ZNF608: variants seen among roughly 807,000 people sequenced by gnomAD.
ZNF608 encodes zinc finger protein 608, also known as renal carcinoma antigen NY-REN-36.
A neutral mutation model predicts 109.0 loss-of-function variants in ZNF608; 12 were observed. That is an observed-to-expected ratio of 0.11 (90% CI 0.07 to 0.18). ZNF608 has a LOEUF of 0.18. Among genes scored for constraint, ZNF608 ranks in the 10% least tolerant of loss-of-function variants. The probability of loss-of-function intolerance (pLI) is 1.00; values close to 1 mark genes in which losing one functional copy is unlikely to be tolerated. For synonymous variants in ZNF608, 732 were observed against 717.4 expected (o/e 1.02, Z -0.33); for missense variants, 1,707 against 1,879.3 (o/e 0.91, Z 1.70).
chr5:124,647,096 G>A lies in ZNF608; in HGVS notation c.3288C>T (p.Ala1096=). Residue 1096 remains alanine (A), a synonymous_variant, in exon 5 of 10, where the codon GCC becomes GCT. Coordinates refer to ENST00000513986, the MANE Select transcript of ZNF608 (RefSeq NM_020747.3). The part of the protein sequence containing the change: ...GLYMDQKSLM[A]TSPAYRQQYE... ...ACTGCTGTCTATAGGCAGGGCTGGTGGCCATCAGAGACTTCTGGTCCATAT... is the reference window on the plus strand; with the variant it reads ...ACTGCTGTCTATAGGCAGGGCTGGTAGCCATCAGAGACTTCTGGTCCATAT... 6.2e-7 allele frequency: 1 copy of A among 1,614,086 alleles called. No homozygotes were observed. The highest frequency in any genetic ancestry group is 8.5e-7 in the Non-Finnish European group (1 of 1,179,986).
At chr5:124,643,397 T>C in intron 7 of ZNF608, 114 bp downstream of exon 7, 2 of 981,968 alleles carry the variant, frequency 2.0e-6, no homozygotes, top group South Asian at 3.4e-5. Flanking sequence ...TAAAACAGCA[T>C]CCTGAAATCA....
chr5:124,730,670 G>T (rs969927540), intron 2 of ZNF608, among the ~76,000 whole-genome samples: 17 of 152,270 alleles, frequency 1.1e-4, no homozygotes, highest in African/African-American at 3.1e-4. Context: ...AGTGTCTTAG[G>T]TTGGCATTTT....
intron 2 of ZNF608, among the ~76,000 whole-genome samples, chr5:124,728,789 G>A (rs367829116): frequency 2.0e-5 from 3 of 152,068 alleles, no homozygotes; most frequent in Admixed American, 6.5e-5. Flanking sequence ...TGTTGCTTGC[G>A]TTGTAGACTC....
upstream of ZNF608, chr5:124,748,623 C>T (rs1010970208): frequency 2.1e-6 from 2 of 949,518 alleles, no homozygotes; most frequent in Non-Finnish European, 1.3e-6. Flanking sequence ...ATAATCTCTT[C>T]AACAAATTTA....
intron 2 of ZNF608, among the ~76,000 whole-genome samples, chr5:124,706,101 C>A (rs901360828): frequency 1.3e-5 from 2 of 152,220 alleles, no homozygotes; most frequent in African/African-American, 4.8e-5. Flanking sequence ...ACCAAAGGAA[C>A]TTTCATGGTG....
At chr5:124,657,475 C>T (rs759122400) in intron 3 of ZNF608, among the ~76,000 whole-genome samples, 1 of 152,054 alleles carries the variant, frequency 6.6e-6, no homozygotes, top group Non-Finnish European at 1.5e-5. Context: ...TCCTGCCCAA[C>T]ACAGTGAAAC....
chr5:124,689,669 G>T (rs1276187791), intron 3 of ZNF608, among the ~76,000 whole-genome samples: 2 of 152,248 alleles, frequency 1.3e-5, no homozygotes, highest in Admixed American at 6.5e-5. Context: ...AAATTGTCAA[G>T]AAAGTTCACA....
chr5:124,716,191 C>T (rs1753698580), intron 2 of ZNF608, among the ~76,000 whole-genome samples: 1 of 149,808 alleles, frequency 6.7e-6, no homozygotes, highest in Non-Finnish European at 1.5e-5. Flanking sequence ...AATATAGTTG[C>T]TTTACGTATC....
chr5:124,735,322 C>T (rs1351187864), intron 2 of ZNF608: 1 of 152,176 alleles, frequency 6.6e-6, no homozygotes, highest in Non-Finnish European at 1.5e-5. Context: ...ATTTACAGCG[C>T]TCAGGGCCAT....
chr5:124,718,736 A>G (rs1055147532), intron 2 of ZNF608, among the ~76,000 whole-genome samples: 1 of 152,220 alleles, frequency 6.6e-6, no homozygotes, highest in African/African-American at 2.4e-5. Context: ...TCAGCTACAA[A>G]GTGCAATGCT....
At chr5:124,668,997 A>G (rs1751598872) in intron 3 of ZNF608, among the ~76,000 whole-genome samples, 1 of 152,206 alleles carries the variant, frequency 6.6e-6, no homozygotes, top group African/African-American at 2.4e-5. Flanking sequence ...CACATAAAGT[A>G]ATTGAAGAGA....
Position 124,744,565 on chromosome 5 carries a change from C to T in ZNF608, c.425G>A (p.Arg142His), listed in dbSNP as rs1561599308. 1 of 1,614,232 alleles carries T rather than the reference C, an allele frequency of 6.2e-7. No individual in the cohort carries two copies. ...ATTCATGCCAGTTGCCTCTCCAGGGCGCCCTTGGACTTCCTGCCTCTTGCC... is the reference window on the plus strand; with the variant it reads ...ATTCATGCCAGTTGCCTCTCCAGGGTGCCCTTGGACTTCCTGCCTCTTGCC... ...STGKRQEVQG[R>H]PGEATGMNSA... Residue 142 changes from arginine to histidine, a missense_variant, in exon 2 of 10, where the codon CGC becomes CAC. By Grantham distance (29) the Arg-to-His change is conservative. Coordinates refer to ENST00000513986, the MANE Select transcript of ZNF608 (RefSeq NM_020747.3). This position sits in a 1 kb window ranked among gnomAD's most constrained non-coding sequence, Gnocchi z 4.5.
In ZNF608 at chr5:124,667,066, A is replaced by G. The variant is rs183195724; in HGVS notation, c.1163-17369T>C. Reference sequence around the variant, plus strand: ...GCAGATTACAGAGACATAAATTTTCATCTACTTAATATAAATTAGCAATTC... The same window carrying G: ...GCAGATTACAGAGACATAAATTTTCGTCTACTTAATATAAATTAGCAATTC... On this transcript the variant is annotated intron_variant, in intron 3 of 9. Coordinates refer to ENST00000513986, the MANE Select transcript of ZNF608 (RefSeq NM_020747.3). Among the ~76,000 whole-genome samples the G allele has an allele frequency of 7.9e-5, 12 of 152,326 alleles. No individual in the cohort carries two copies. The East Asian group carries it at 2.3e-3, about 29-fold the overall frequency.
chr5:124,724,496 CAAAAAA>C (rs5871102), intron 2 of ZNF608, among the ~76,000 whole-genome samples: 2 of 100,088 alleles, frequency 2.0e-5, no homozygotes, highest in Non-Finnish European at 3.9e-5. Flanking sequence ...GCAAAGAGTG[CAAAAAA>C]AAAAAAAAAA....
At chr5:124,658,323 T>C (rs924308851) in intron 3 of ZNF608, among the ~76,000 whole-genome samples, 2 of 152,194 alleles carry the variant, frequency 1.3e-5, no homozygotes, top group Non-Finnish European at 2.9e-5. Flanking sequence ...GACAGGAAGA[T>C]AGAATCAAAT....
intron 6 of ZNF608, 57 bp downstream of exon 6, chr5:124,644,187 G>A (rs554950649): frequency 1.4e-6 from 2 of 1,440,718 alleles, no homozygotes; most frequent in Admixed American, 2.1e-5. Context: ...GTTTTTAACA[G>A]CTAATATTTG....
At chr5:124,656,142 T>C (rs757851118) in intron 3 of ZNF608, among the ~76,000 whole-genome samples, 13 of 152,198 alleles carry the variant, frequency 8.5e-5, no homozygotes, top group Non-Finnish European at 1.5e-4. Context: ...TTAGTCACCC[T>C]GAACATAGGG....
intron 2 of ZNF608, among the ~76,000 whole-genome samples, chr5:124,725,288 A>G (rs747576701): frequency 5.9e-5 from 9 of 151,888 alleles, no homozygotes; most frequent in Non-Finnish European, 1.0e-4. Context: ...AAATATATTT[A>G]TTTGTCTGGA....
At chr5:124,694,571 C>CT (rs1752764687) in intron 3 of ZNF608, among the ~76,000 whole-genome samples, 1 of 151,804 alleles carries the variant, frequency 6.6e-6, no homozygotes, top group African/African-American at 2.4e-5. Flanking sequence ...CCATCCACAC[C>CT]TTCTTTTTTT....
Sources: allele counts gnomAD v4.1 joint callset (sites outside exome capture counted in the v4.1 genomes callset), GRCh38; gene constraint gnomAD v4.1.1; non-coding constraint Gnocchi (gnomAD v3.1); transcripts MANE v1.5; gene names NCBI Gene and HGNC (gene_info 2026-07-23, HGNC 2026-07-21).